Variants in ASPH observed in about 807,000 individuals in gnomAD.
The protein encoded by ASPH is aspartate beta-hydroxylase.
In ASPH, 100 loss-of-function variants were observed where a neutral mutation model predicts 118.4. The ratio of observed to expected loss-of-function variants is 0.84; its 90% CI spans 0.72 to 1.00. The LOEUF (loss-of-function observed/expected upper bound fraction) is 1.00. ASPH is among the 50% of genes least tolerant of loss of function. The pLI is 0.00. For missense variants in ASPH, 920 were observed against 919.5 expected, an observed-to-expected ratio of 1.00 and a Z score of -0.01; for synonymous variants, 315 against 325.6, an observed-to-expected ratio of 0.97 and a Z score of 0.35.
chr8:61,597,879 G>A (rs1276393743), intron 14 of ASPH, among the ~76,000 whole-genome samples: 1 of 152,158 alleles, frequency 6.6e-6, no homozygotes, highest in Admixed American at 6.5e-5. Context: ...AAATGCCTAA[G>A]AGGGTCCTAT....
At chr8:61,687,454 A>G (rs1830988173) in intron 1 of ASPH, 1 of 152,242 alleles carries the variant, frequency 6.6e-6, no homozygotes, top group Non-Finnish European at 1.5e-5. Context: ...AACAACTTCA[A>G]TTAAGTTTTC....
chr8:61,695,635 C>T (rs1833743571), intron 1 of ASPH, among the ~76,000 whole-genome samples: 1 of 152,220 alleles, frequency 6.6e-6, no homozygotes, highest in African/African-American at 2.4e-5. Flanking sequence ...TATTACACTG[C>T]TACTTAGACA....
chr8:61,503,419 G>C lies in ASPH; in HGVS notation c.2217C>G (p.Ile739Met). The C allele has an allele frequency of 6.2e-7, 1 of 1,613,088 alleles. No individual in the cohort carries two copies. The highest frequency in any genetic ancestry group is 8.5e-7 in the Non-Finnish European group (1 of 1,179,650). Residue 739 changes from isoleucine (I) to methionine (M), a missense_variant, in exon 25 of 25, where the codon ATC becomes ATG. Physicochemically the swap from Ile to Met is conservative, Grantham distance 10. Coordinates refer to ENST00000379454, the MANE Select transcript of ASPH (RefSeq NM_004318.4). ...QDASSFRLIFIVDVWHPELTP... is the reference protein window; with the variant it reads ...QDASSFRLIFMVDVWHPELTP... ...TCAGTTCCGGATGCCACACATCCAC[G>C]ATGAATATCAGCCGGAAAGATGAGG... is the stretch of plus-strand genomic sequence containing the variant.
intron 3 of ASPH, among the ~76,000 whole-genome samples, chr8:61,672,412 G>A (rs1823044241): frequency 6.6e-6 from 1 of 151,994 alleles, no homozygotes; most frequent in African/African-American, 2.4e-5. Context: ...AGATTGGAAA[G>A]GTCACCTGAA....
At chr8:61,624,871 C>T (rs1213876518) in intron 13 of ASPH, 2 of 985,462 alleles carry the variant, frequency 2.0e-6, no homozygotes, top group African/African-American at 3.5e-5. Context: ...ATCTCTGTAT[C>T]ACCGACAGCA....
intron 20 of ASPH, among the ~76,000 whole-genome samples, chr8:61,551,417 A>G (rs1056397693): frequency 1.3e-5 from 2 of 152,238 alleles, no homozygotes; most frequent in Non-Finnish European, 2.9e-5. Flanking sequence ...TAATGCTGGG[A>G]ATATACTAAC....
At chr8:61,521,851 G>T (rs1317158175) in intron 22 of ASPH, among the ~76,000 whole-genome samples, 1 of 152,190 alleles carries the variant, frequency 6.6e-6, no homozygotes, top group Non-Finnish European at 1.5e-5. Flanking sequence ...ATCCTGGGTT[G>T]TATCTTTTAT....
At chr8:61,640,352 T>C (rs1044585493) in intron 10 of ASPH, among the ~76,000 whole-genome samples, 1 of 152,240 alleles carries the variant, frequency 6.6e-6, no homozygotes, top group Non-Finnish European at 1.5e-5. Context: ...GACTTGGCAG[T>C]GCTCAAAGGT....
At chr8:61,704,327 C>G (rs1458960715) in intron 1 of ASPH, among the ~76,000 whole-genome samples, 2 of 147,574 alleles carry the variant, frequency 1.4e-5, no homozygotes, top group Non-Finnish European at 3.0e-5. Context: ...AAAGTCTTTT[C>G]AACACATGGT....
At chr8:61,678,491 T>C (rs1293647105) in intron 3 of ASPH, among the ~76,000 whole-genome samples, 1 of 152,032 alleles carries the variant, frequency 6.6e-6, no homozygotes, top group Non-Finnish European at 1.5e-5. Context: ...AATAATAAAA[T>C]TAATGATGGT....
At chr8:61,662,499 C>G (rs1817417086) in intron 3 of ASPH, among the ~76,000 whole-genome samples, 1 of 152,090 alleles carries the variant, frequency 6.6e-6, no homozygotes. Context: ...GCAAACAATA[C>G]AGAAATAACA....
chr8:61,624,232 G>C, intron 13 of ASPH: 1 of 985,142 alleles, frequency 1.0e-6, no homozygotes, highest in Non-Finnish European at 1.2e-6. Context: ...TTAAAAATTT[G>C]GGGAAAAAAG....
At chr8:61,655,304 A>T (rs1813076156) in intron 3 of ASPH, among the ~76,000 whole-genome samples, 1 of 151,886 alleles carries the variant, frequency 6.6e-6, no homozygotes, top group Admixed American at 6.6e-5. Context: ...GTACTTCTCT[A>T]CTCCTATGTA....
At position 61,566,616 on chromosome 8, in the gene ASPH, G is replaced by A. The variant is rs552464493; in HGVS notation, c.1300+552C>T. Among the ~76,000 whole-genome samples the A allele has an allele frequency of 8.5e-5, 13 of 152,354 alleles. No individual in the cohort carries two copies. The Middle Eastern group carries it at 0.01, about 120-fold the overall frequency. On this transcript the variant is annotated intron_variant, in intron 17 of 24. Coordinates refer to ENST00000379454, the MANE Select transcript of ASPH (RefSeq NM_004318.4). ...ACAGATAAATCTTTCCTGAAAGGAA[G>A]AGTCAATCAATGCAGCAAACTTCAT...
At chr8:61,708,869 C>T (rs1837367386) in intron 1 of ASPH, among the ~76,000 whole-genome samples, 1 of 134,676 alleles carries the variant, frequency 7.4e-6, no homozygotes, top group Non-Finnish European at 1.6e-5. Flanking sequence ...CAACCACTCC[C>T]ACCCCCCAGC....
At chr8:61,709,286 G>A (rs752109867) in intron 1 of ASPH, among the ~76,000 whole-genome samples, 2 of 152,030 alleles carry the variant, frequency 1.3e-5, no homozygotes, top group Non-Finnish European at 2.9e-5. Flanking sequence ...TAAAAATAAT[G>A]ACTAACAAGA....
At chr8:61,510,509 T>C in intron 24 of ASPH, among the ~76,000 whole-genome samples, 1 of 152,180 alleles carries the variant, frequency 6.6e-6, no homozygotes, top group East Asian at 1.9e-4. Flanking sequence ...TCATTTACTA[T>C]TGCCAGAGAA....
intron 24 of ASPH, among the ~76,000 whole-genome samples, chr8:61,506,260 G>A (rs899216000): frequency 6.6e-6 from 1 of 152,190 alleles, no homozygotes; most frequent in East Asian, 1.9e-4. Context: ...CACATCTGAG[G>A]TCCTAGACTA....
At chr8:61,660,184 G>T (rs1169651838) in intron 3 of ASPH, 1 of 151,870 alleles carries the variant, frequency 6.6e-6, no homozygotes, top group African/African-American at 2.4e-5. Context: ...AGTGTCTCCT[G>T]TTTCCATCTT....
Sources: allele counts gnomAD v4.1 joint callset (sites outside exome capture counted in the v4.1 genomes callset), GRCh38; gene constraint gnomAD v4.1.1; transcripts MANE v1.5; gene names NCBI Gene and HGNC (gene_info 2026-07-23, HGNC 2026-07-21).